DNAH5: variants seen among roughly 807,000 people sequenced by gnomAD.
The protein encoded by DNAH5 is axonemal beta dynein heavy chain 5.
Under a neutral mutation model 518.2 loss-of-function variants are expected in DNAH5, and 372 were observed. That is an observed-to-expected ratio of 0.72 (90% CI 0.66 to 0.78). The LOEUF is 0.78. Ranked by LOEUF, DNAH5 falls within the 30% of genes least tolerant of loss-of-function variation. DNAH5 has a pLI of 0.00. For missense variants in DNAH5, 5,523 were observed against 5,687.0 expected, an observed-to-expected ratio of 0.97 and a Z score of 0.93; for synonymous variants, 2,039 against 2,025.9, an observed-to-expected ratio of 1.01 and a Z score of -0.17.
At chr5:13,848,075 A>G (rs1237415444) in intron 31 of DNAH5, among the ~76,000 whole-genome samples, 2 of 152,188 alleles carry the variant, frequency 1.3e-5, no homozygotes, top group African/African-American at 4.8e-5. Context: ...CCTGAACTGC[A>G]TTTGGTCATG....
chr5:13,939,047 T>G (rs1363506926), intron 1 of DNAH5, among the ~76,000 whole-genome samples: 4 of 152,198 alleles, frequency 2.6e-5, no homozygotes, highest in Non-Finnish European at 4.4e-5. Flanking sequence ...CTGATCCTTC[T>G]TATCTCCTGA....
At chr5:13,728,763 G>A (rs1201301508) in intron 69 of DNAH5, among the ~76,000 whole-genome samples, 2 of 152,152 alleles carry the variant, frequency 1.3e-5, no homozygotes, top group African/African-American at 4.8e-5. Context: ...CTTATAGCTG[G>A]ATAAAGCCAC....
chr5:13,700,896 TGGAGCGGTTAGA>T (rs1415179014), intron 77 of DNAH5, 25 bp from the exon 78 acceptor site: 1 of 1,609,520 alleles, frequency 6.2e-7, no homozygotes, highest in East Asian at 2.2e-5. Flanking sequence ...AAAAGATGAA[TGGAGCGGTTAGA>T]GGTTTGTCTT....
intron 61 of DNAH5, among the ~76,000 whole-genome samples, chr5:13,756,729 G>A (rs1751041762): frequency 6.6e-6 from 1 of 152,080 alleles, no homozygotes; most frequent in African/African-American, 2.4e-5. Context: ...TTCAGTTCAG[G>A]GGTATGTGTA....
Position 13,901,463 on chromosome 5 carries a change from G to T in DNAH5, c.1841C>A (p.Pro614His). 6.2e-7 allele frequency: 1 copy of T among 1,613,908 alleles called. No homozygotes were observed. Among genetic ancestry groups the T allele is most frequent in the African/African-American group, 1.3e-5 (1 of 75,036 alleles). The stretch of plus-strand genomic sequence containing the variant: ...GGGAGGCTGGTTTCGAGCCAGAGGA[G>T]GATCGTATTTCTGCTTTGTATACAG... ...SKLYTKQKYD[P>H]PLARNQPPIA... is the part of the protein sequence containing the mutation. The change falls in exon 14 of 79, where the codon CCT (proline) becomes CAT (histidine). Residue 614 changes from proline to histidine, a missense_variant. Around this residue, in one of 3 missense-constraint regions of DNAH5, gnomAD observed 5,121 missense variants for 5,223.3 expected, o/e 0.98. Coordinates refer to ENST00000265104, the MANE Select transcript of DNAH5 (RefSeq NM_001369.3).
At position 13,867,921 on chromosome 5, in the gene DNAH5, C is replaced by G; in HGVS notation, c.3906G>C (p.Leu1302=). ...CCAGCAGCTTCTCCCAAGCATAGTGCAGTGTATCAACTTTGTCTATCTCTT... is the reference window on the plus strand; with the variant it reads ...CCAGCAGCTTCTCCCAAGCATAGTGGAGTGTATCAACTTTGTCTATCTCTT... ...AREEIDKVDT[L]HYAWEKLLAR... is the part of the protein sequence containing the mutation. The change falls in exon 25 of 79, where the codon CTG becomes CTC. Residue 1302 remains leucine, a synonymous_variant. Transcript: ENST00000265104. 1 of 1,614,058 alleles carries G rather than the reference C, an allele frequency of 6.2e-7. No individual in the cohort carries two copies. Among genetic ancestry groups the G allele is most frequent in the Non-Finnish European group, 8.5e-7 (1 of 1,179,974 alleles).
At chr5:13,831,479 G>T (rs1763668144) in intron 35 of DNAH5, among the ~76,000 whole-genome samples, 1 of 152,136 alleles carries the variant, frequency 6.6e-6, no homozygotes, top group Admixed American at 6.5e-5. Flanking sequence ...TGCCGTGTAG[G>T]GTTTTCTTAT....
chr5:13,795,149 G>C (rs1757631001), intron 47 of DNAH5, among the ~76,000 whole-genome samples: 1 of 151,996 alleles, frequency 6.6e-6, no homozygotes. Context: ...AACTAGAAAA[G>C]CAAGAGCAAA....
At chr5:13,754,391 T>C in intron 61 of DNAH5, 53 bp from the exon 62 acceptor site, 1 of 1,605,712 alleles carries the variant, frequency 6.2e-7, no homozygotes, top group Non-Finnish European at 8.5e-7. Flanking sequence ...ACATAGCCAC[T>C]GGCTCAAAAA....
intron 66 of DNAH5, among the ~76,000 whole-genome samples, chr5:13,736,375 CA>C (rs1269427983): frequency 6.6e-6 from 1 of 151,926 alleles, no homozygotes; most frequent in Non-Finnish European, 1.5e-5. Context: ...GCCTCTCTAA[CA>C]ATAAACGACA....
At chr5:13,927,223 G>A (rs1029741081) in intron 3 of DNAH5, among the ~76,000 whole-genome samples, 1 of 152,284 alleles carries the variant, frequency 6.6e-6, no homozygotes, top group East Asian at 1.9e-4. Flanking sequence ...GGCCAGGCAC[G>A]GTGGCTCACG....
At chr5:13,952,979 G>A (rs546510440) in intron 1 of DNAH5, among the ~76,000 whole-genome samples, 7 of 152,174 alleles carry the variant, frequency 4.6e-5, no homozygotes, top group African/African-American at 9.7e-5. Context: ...TGTGATAAAC[G>A]TCATTGCTAC....
upstream of DNAH5, among the ~76,000 whole-genome samples, chr5:13,949,100 C>A (rs1780161592): frequency 6.6e-6 from 1 of 152,112 alleles, no homozygotes; most frequent in Non-Finnish European, 1.5e-5. Context: ...AGAGAGGATT[C>A]CATGTTTCCC....
At chr5:13,939,047 T>A (rs1363506926) in intron 1 of DNAH5, among the ~76,000 whole-genome samples, 1 of 152,198 alleles carries the variant, frequency 6.6e-6, no homozygotes, top group Admixed American at 6.5e-5. Context: ...CTGATCCTTC[T>A]TATCTCCTGA....
chr5:13,837,167 A>G (rs1764504003), intron 35 of DNAH5, among the ~76,000 whole-genome samples: 1 of 152,238 alleles, frequency 6.6e-6, no homozygotes, highest in Admixed American at 6.5e-5. Context: ...CAGAACTACA[A>G]AAAGAACACA....
chr5:13,876,183 C>T (rs868437888), intron 22 of DNAH5, among the ~76,000 whole-genome samples: 3 of 152,130 alleles, frequency 2.0e-5, no homozygotes, highest in Non-Finnish European at 4.4e-5. Flanking sequence ...ACATTCATGT[C>T]CAGTTCAAGT....
At chr5:13,729,045 G>A (rs1365115188) in intron 69 of DNAH5, among the ~76,000 whole-genome samples, 1 of 152,178 alleles carries the variant, frequency 6.6e-6, no homozygotes, top group Non-Finnish European at 1.5e-5. Flanking sequence ...GGCAAGAAAG[G>A]AAATTTAGCA....
chr5:13,986,994 A>G (rs1031006), intron 1 of DNAH5, among the ~76,000 whole-genome samples: 59,262 of 151,960 alleles, frequency 0.39, 11,877 homozygotes, highest in East Asian at 0.68. Flanking sequence ...GAATTAATAC[A>G]GTTAAGTGAA....
At chr5:13,801,886 C>G (rs1489889496) in intron 47 of DNAH5, among the ~76,000 whole-genome samples, 1 of 152,000 alleles carries the variant, frequency 6.6e-6, no homozygotes. Flanking sequence ...TGATGTTCAC[C>G]TTATAGGCTG....
Sources: gnomAD v4.1 joint callset for allele counts (sites outside exome capture counted in the v4.1 genomes callset) on GRCh38, gnomAD v4.1.1 for gene constraint, gnomAD v4.1.1 regional missense constraint, MANE v1.5 for transcripts, NCBI Gene and HGNC (gene_info 2026-07-23, HGNC 2026-07-21) for gene names.